FNTB: variants seen among roughly 807,000 people sequenced by gnomAD.
FNTB encodes protein farnesyltransferase subunit beta.
FNTB carries 27 observed loss-of-function variants against 59.4 expected under a neutral mutation model. The ratio of observed to expected loss-of-function variants is 0.45; its 90% CI spans 0.34 to 0.63. FNTB has a LOEUF of 0.63. Among genes scored for constraint, FNTB ranks in the 20% least tolerant of loss-of-function variants. The pLI is 0.02. For synonymous variants in FNTB, 230 were observed against 220.7 expected (o/e 1.04, Z -0.37); for missense variants, 449 against 559.6 (o/e 0.80, Z 1.99).
chr14:65,019,216 G>A (rs2061841466), intron 4 of FNTB, among the ~76,000 whole-genome samples: 1 of 151,938 alleles, frequency 6.6e-6, no homozygotes, highest in South Asian at 2.1e-4. Context: ...GCTGGATGTA[G>A]TGGCTCATGG....
intron 11 of FNTB, among the ~76,000 whole-genome samples, chr14:65,057,850 C>G (rs1429976562): frequency 1.3e-5 from 2 of 152,174 alleles, no homozygotes; most frequent in African/African-American, 2.4e-5. Flanking sequence ...GTACCACACC[C>G]TCAAGTTTCC....
rs942622686 is a variant in FNTB, at chr14:65,047,201, C to T, written c.955+2758C>T. On this transcript the variant is annotated intron_variant, in intron 9 of 11. Coordinates refer to ENST00000246166, the MANE Select transcript of FNTB (RefSeq NM_002028.4). This position sits in a 1 kb window ranked among gnomAD's most constrained non-coding sequence, Gnocchi z 5.2. Reference sequence around the variant, plus strand: ...ACTGTATGCCAGGGGCTGTACTGAGCATTTCACATATGTTTTCTCATTTAA... The same window carrying T: ...ACTGTATGCCAGGGGCTGTACTGAGTATTTCACATATGTTTTCTCATTTAA... 6.6e-6 allele frequency among the ~76,000 whole-genome samples: 1 copy of T among 152,182 alleles called. No individual in the cohort carries two copies. Among genetic ancestry groups the T allele is most frequent in the Admixed American group, 6.5e-5 (1 of 15,276 alleles).
intron 8 of FNTB, among the ~76,000 whole-genome samples, chr14:65,043,828 C>CAAAAAAAAAAAAAAAAAAAAAA (rs749243788): frequency 1.6e-5 from 1 of 64,234 alleles, no homozygotes; most frequent in Non-Finnish European, 3.0e-5. Flanking sequence ...GACTCCGTCT[C>CAAAAAAAAAAAAAAAAAAAAAA]AAAAAAAAAA....
intron 7 of FNTB, among the ~76,000 whole-genome samples, chr14:65,037,741 ATTATTTATTTATTTATTTAT>A (rs201126999): frequency 0.011 from 1,432 of 132,686 alleles, 40 homozygotes; most frequent in African/African-American, 0.039. Flanking sequence ...TTATTTATTT[ATTATTTATTTATTTATTTAT>A]TTATTTATTT....
chr14:65,028,690 A>G lies in FNTB; in HGVS notation c.605+909A>G, dbSNP rs537512745. Reference sequence around the variant, plus strand: ...GGCCTTTAGTTCAAGATGTTCTTCTATCTCTAACTTGTCTAATCCAACCAA... The same window carrying G: ...GGCCTTTAGTTCAAGATGTTCTTCTGTCTCTAACTTGTCTAATCCAACCAA... On this transcript the variant is annotated intron_variant, in intron 6 of 11. Transcript: ENST00000246166. The surrounding 1 kb of genome is among the most constrained non-coding windows in gnomAD (Gnocchi z 4.4). Among the ~76,000 whole-genome samples the G allele has an allele frequency of 4.6e-5, 7 of 152,308 alleles. No individual in the cohort carries two copies. The South Asian group carries it at 1.2e-3, about 27-fold the overall frequency.
In FNTB at chr14:64,990,166, C is replaced by T. The variant is rs1888138744; in HGVS notation, c.144+3069C>T. Reference sequence around the variant, plus strand: ...GGAGATGGGTCGGATCATGTAGGGTCTCATTGGCCTTTGGAAGTACTTTAA... The same window carrying T: ...GGAGATGGGTCGGATCATGTAGGGTTTCATTGGCCTTTGGAAGTACTTTAA... On this transcript the variant is annotated intron_variant, in intron 1 of 11. Coordinates refer to ENST00000246166, the MANE Select transcript of FNTB (RefSeq NM_002028.4). This position sits in a 1 kb window ranked among gnomAD's most constrained non-coding sequence, Gnocchi z 5.2. Among the ~76,000 whole-genome samples the T allele has an allele frequency of 1.3e-5, 2 of 152,096 alleles. No individual in the cohort carries two copies. Among genetic ancestry groups the T allele is most frequent in the East Asian group, 3.9e-4 (2 of 5,190 alleles).
At chr14:65,043,307 G>A (rs72728266) in intron 8 of FNTB, among the ~76,000 whole-genome samples, 15,123 of 152,252 alleles carry the variant, frequency 0.099, 1,002 homozygotes, top group Admixed American at 0.17. Context: ...AGGAATGGTG[G>A]TATCGTGTGT....
rs1216104203 is a variant in FNTB, at chr14:65,011,873, T to C, written c.210-444T>C. Among the ~76,000 whole-genome samples the C allele has an allele frequency of 1.3e-5, 2 of 151,716 alleles. No individual in the cohort carries two copies. The highest frequency in any genetic ancestry group is 6.6e-5 in the Admixed American group (1 of 15,224). On this transcript the variant is annotated intron_variant, in intron 2 of 11. Transcript: ENST00000246166. The surrounding 1 kb of genome is among the most constrained non-coding windows in gnomAD (Gnocchi z 4.0). ...GAGTAAATTATGGGCCTTGGAGAAGTCATCCCAGACGGGGTGACTGAAATG... is the reference window on the plus strand; with the variant it reads ...GAGTAAATTATGGGCCTTGGAGAAGCCATCCCAGACGGGGTGACTGAAATG...
At chr14:65,041,929 T>G (rs2062362382) in intron 8 of FNTB, among the ~76,000 whole-genome samples, 1 of 152,210 alleles carries the variant, frequency 6.6e-6, no homozygotes. Context: ...GTGTTCTAGA[T>G]TTGAACCCTG....
chr14:65,024,703 TG>T (rs937161760), intron 4 of FNTB, among the ~76,000 whole-genome samples: 1 of 152,228 alleles, frequency 6.6e-6, no homozygotes, highest in Non-Finnish European at 1.5e-5. Context: ...GTTTGTACAA[TG>T]TTTTTTGCTT....
chr14:64,996,013 C>T (rs1888379015), intron 1 of FNTB, among the ~76,000 whole-genome samples: 1 of 151,082 alleles, frequency 6.6e-6, no homozygotes, highest in Admixed American at 6.6e-5. Context: ...GTCCCAGCTA[C>T]TCAGGAGGCT....
At chr14:65,005,493 CTTTCTTTCTTTCT>C (rs1260101773) in intron 2 of FNTB, among the ~76,000 whole-genome samples, 12 of 136,532 alleles carry the variant, frequency 8.8e-5, no homozygotes, top group African/African-American at 3.7e-4. Context: ...TTCTTTCTTT[CTTTCTTTCTTTCT>C]TTCTTTCTCT....
Position 65,031,979 on chromosome 14 carries a change from CGTGTGTGTGTGT to C in FNTB, c.606-602_606-591del, listed in dbSNP as rs563468928. Among the ~76,000 whole-genome samples the C allele has an allele frequency of 2.0e-4, 28 of 141,198 alleles. No homozygotes were observed. The highest frequency in any genetic ancestry group is 3.4e-4 in the African/African-American group (13 of 37,788). The allele number at this position is 141,198 out of a possible 152,430, so 92.6% of individuals were successfully genotyped here. A position where few individuals can be genotyped will look rare whatever the true frequency, so the allele number is the denominator to read the frequency against. ...ATAGACGTGCGCCTTTTTCATTTAA[CGTGTGTGTGTGT>C]GTGTGTGTGTGTGTGTGTGTGTGTG... On this transcript the variant is annotated intron_variant, in intron 6 of 11. Coordinates refer to ENST00000246166, the MANE Select transcript of FNTB (RefSeq NM_002028.4). The surrounding 1 kb of genome is among the most constrained non-coding windows in gnomAD (Gnocchi z 4.6).
At chr14:64,999,897 G>A (rs1269098884) in intron 1 of FNTB, among the ~76,000 whole-genome samples, 2 of 152,192 alleles carry the variant, frequency 1.3e-5, no homozygotes, top group African/African-American at 4.8e-5. Flanking sequence ...AGGACACTAT[G>A]TTGGGAAAAT....
At chr14:65,055,487 CTTTT>C (rs1362158800) in intron 11 of FNTB, among the ~76,000 whole-genome samples, 1 of 151,934 alleles carries the variant, frequency 6.6e-6, no homozygotes, top group Non-Finnish European at 1.5e-5. Context: ...TGTAACCTTC[CTTTT>C]TTGTTTAAAA....
intron 7 of FNTB, among the ~76,000 whole-genome samples, chr14:65,039,358 T>G (rs569648049): frequency 2.0e-5 from 3 of 152,348 alleles, no homozygotes; most frequent in Admixed American, 1.3e-4. Context: ...GGTACAGTGC[T>G]CCCTCCTCCT....
intron 1 of FNTB, among the ~76,000 whole-genome samples, chr14:64,995,370 TTTA>T (rs1888354035): frequency 1.3e-5 from 2 of 152,300 alleles, no homozygotes; most frequent in South Asian, 4.1e-4. Context: ...AATGTAGTTG[TTTA>T]TTATCATTAT....
chr14:65,019,159 G>A (rs1019819840), intron 4 of FNTB, among the ~76,000 whole-genome samples: 2 of 151,892 alleles, frequency 1.3e-5, no homozygotes, highest in African/African-American at 4.8e-5. Flanking sequence ...GGCAACAAGA[G>A]TGAAACTCCA....
chr14:65,013,490 T>C (rs11627382), intron 3 of FNTB, among the ~76,000 whole-genome samples: 42,808 of 152,072 alleles, frequency 0.28, 6,084 homozygotes, highest in South Asian at 0.32. Context: ...AATAGTTATG[T>C]TACAGTTGGT....
Sources: allele counts gnomAD v4.1 joint callset (sites outside exome capture counted in the v4.1 genomes callset), GRCh38; gene constraint gnomAD v4.1.1; non-coding constraint Gnocchi (gnomAD v3.1); transcripts MANE v1.5; gene names NCBI Gene and HGNC (gene_info 2026-07-23, HGNC 2026-07-21).